Variants in SLC35D4 observed in about 807,000 individuals in gnomAD.
SLC35D4 encodes the protein UDP-N-acetylglucosamine transporter SLC35D4.
At chr18:23,285,647 C>T in the SLC35D4 span, among the ~76,000 whole-genome samples, 2 of 152,124 alleles carry the variant, frequency 1.3e-5, no homozygotes, top group South Asian at 4.2e-4. Flanking sequence ...CAGTCCCAAC[C>T]CCAAACGTCG....
At chr18:23,363,435 G>C in the SLC35D4 span, among the ~76,000 whole-genome samples, 20 of 134,908 alleles carry the variant, frequency 1.5e-4, no homozygotes, top group African/African-American at 4.3e-4. Flanking sequence ...AGTGCAGTGA[G>C]GCGATCTCAG....
chr18:23,274,402 GAAGA>G, the SLC35D4 span, among the ~76,000 whole-genome samples: 9 of 152,344 alleles, frequency 5.9e-5, no homozygotes, highest in South Asian at 1.7e-3. Context: ...TAATTCTTGA[GAAGA>G]AAGAATCAGC....
At chr18:23,419,454 A>G in the SLC35D4 span, among the ~76,000 whole-genome samples, 3 of 152,044 alleles carry the variant, frequency 2.0e-5, no homozygotes, top group African/African-American at 7.2e-5. Flanking sequence ...CACCACGCCC[A>G]GCTAATTGTG....
the SLC35D4 span, among the ~76,000 whole-genome samples, chr18:23,313,721 C>A: frequency 1.3e-5 from 2 of 152,162 alleles, no homozygotes; most frequent in Admixed American, 6.5e-5. Context: ...GAGCACAGGG[C>A]CCCCAGGTAT....
chr18:23,389,514 G>T, the SLC35D4 span, among the ~76,000 whole-genome samples: 6 of 152,092 alleles, frequency 3.9e-5, no homozygotes, highest in Non-Finnish European at 8.8e-5. Context: ...ATCAGCCTGT[G>T]TAGGGCTCTA....
chr18:23,369,756 G>A, the SLC35D4 span, among the ~76,000 whole-genome samples: 12 of 152,156 alleles, frequency 7.9e-5, no homozygotes, highest in African/African-American at 2.2e-4. Context: ...GAAGAGGGCC[G>A]GCTTCAAGGA....
the SLC35D4 span, among the ~76,000 whole-genome samples, chr18:23,279,521 T>C: frequency 2.6e-5 from 4 of 152,140 alleles, no homozygotes; most frequent in Non-Finnish European, 5.9e-5. Context: ...ATAAGGTCTT[T>C]ATGGAGGTAA....
the SLC35D4 span, among the ~76,000 whole-genome samples, chr18:23,314,697 G>C: frequency 1.3e-5 from 2 of 152,174 alleles, no homozygotes; most frequent in Non-Finnish European, 2.9e-5. Context: ...CTATCAATTG[G>C]TGTACTTGCT....
At chr18:23,407,184 C>T in the SLC35D4 span, among the ~76,000 whole-genome samples, 1 of 152,118 alleles carries the variant, frequency 6.6e-6, no homozygotes, top group African/African-American at 2.4e-5. Flanking sequence ...TCACTTTTTT[C>T]ATTTATCAAA....
the SLC35D4 span, among the ~76,000 whole-genome samples, chr18:23,306,367 C>T: frequency 6.6e-6 from 1 of 151,908 alleles, no homozygotes; most frequent in Non-Finnish European, 1.5e-5. Context: ...AGTGCAATGG[C>T]GCGATCTCGG....
At chr18:23,376,845 A>T in the SLC35D4 span, 16 of 456,728 alleles carry the variant, frequency 3.5e-5, no homozygotes, top group Non-Finnish European at 4.8e-5. Flanking sequence ...ATCAGGTATC[A>T]TGAGCTTTAC....
the SLC35D4 span, among the ~76,000 whole-genome samples, chr18:23,280,996 A>G: frequency 6.6e-6 from 1 of 152,166 alleles, no homozygotes; most frequent in African/African-American, 2.4e-5. Context: ...ATAGAGGTAC[A>G]TGAACCACTT....
chr18:23,421,602 T>G, the SLC35D4 span, among the ~76,000 whole-genome samples: 1 of 152,004 alleles, frequency 6.6e-6, no homozygotes, highest in Non-Finnish European at 1.5e-5. Flanking sequence ...TTCTCAGACC[T>G]TTCCTTCTCA....
At chr18:23,347,646 A>C in the SLC35D4 span, among the ~76,000 whole-genome samples, 3 of 152,144 alleles carry the variant, frequency 2.0e-5, no homozygotes, top group African/African-American at 7.2e-5. Flanking sequence ...GCTGGTCCTG[A>C]ATTCTTGGGC....
the SLC35D4 span, among the ~76,000 whole-genome samples, chr18:23,255,894 T>G: frequency 0.2 from 29,668 of 152,000 alleles, 2,956 homozygotes; most frequent in Middle Eastern, 0.33. Flanking sequence ...TAACAGATAT[T>G]TATAAAATTA....
At chr18:23,243,872 CAAAAA>C in the SLC35D4 span, among the ~76,000 whole-genome samples, 1 of 109,894 alleles carries the variant, frequency 9.1e-6, no homozygotes, top group South Asian at 3.1e-4. Context: ...GACTCCGTTT[CAAAAA>C]AAAAAAAAAA....
chr18:23,315,605 T>C, the SLC35D4 span, among the ~76,000 whole-genome samples: 1 of 152,180 alleles, frequency 6.6e-6, no homozygotes, highest in Non-Finnish European at 1.5e-5. Context: ...CACAATGCTG[T>C]TTTGTTTTGT....
At chr18:23,334,960 G>C in the SLC35D4 span, among the ~76,000 whole-genome samples, 4 of 151,784 alleles carry the variant, frequency 2.6e-5, no homozygotes, top group Non-Finnish European at 5.9e-5. Flanking sequence ...AGCTGAGATC[G>C]CGCCACTGCA....
the SLC35D4 span, among the ~76,000 whole-genome samples, chr18:23,392,661 G>C: frequency 2.0e-5 from 3 of 152,206 alleles, no homozygotes; most frequent in African/African-American, 7.2e-5. Context: ...AATCAGAGAA[G>C]GCCTAAGGGG....
Sources: gnomAD v4.1 joint callset for allele counts (sites outside exome capture counted in the v4.1 genomes callset) on GRCh38, gnomAD v4.1.1 for gene constraint, MANE v1.5 for transcripts, NCBI Gene and HGNC (gene_info 2026-07-23, HGNC 2026-07-21) for gene names.